Variants in LINGO2 observed in about 807,000 individuals in gnomAD.
The protein encoded by LINGO2 is leucine-rich repeat and immunoglobulin-like domain-containing nogo receptor-interacting protein 2.
A neutral mutation model predicts 30.6 loss-of-function variants in LINGO2; 14 were observed. The observed-to-expected ratio is 0.46, with a 90% CI of 0.30 to 0.72. The LOEUF is 0.72. Among genes scored for constraint, LINGO2 ranks in the 30% least tolerant of loss-of-function variants. The pLI, the probability that LINGO2 is intolerant of heterozygous loss-of-function variation, is 0.07. For synonymous variants in LINGO2, 317 were observed against 288.5 expected, an observed-to-expected ratio of 1.10 and a Z score of -1.00; for missense variants, 729 against 751.7, an observed-to-expected ratio of 0.97 and a Z score of 0.35.
intron 1 of LINGO2, among the ~76,000 whole-genome samples, chr9:28,526,025 C>T (rs1311188220): frequency 1.7e-5 from 2 of 118,658 alleles, no homozygotes; most frequent in Admixed American, 2.2e-4. Flanking sequence ...CACTGCACTC[C>T]AGCCTGGGTG....
chr9:28,567,762 G>A (rs1823458069), intron 1 of LINGO2, among the ~76,000 whole-genome samples: 1 of 151,160 alleles, frequency 6.6e-6, no homozygotes, highest in Non-Finnish European at 1.5e-5. Context: ...ATATACTTAT[G>A]GAACGAACCT....
At chr9:29,124,735 G>C in the LINGO2 span, among the ~76,000 whole-genome samples, 5 of 152,156 alleles carry the variant, frequency 3.3e-5, no homozygotes, top group African/African-American at 1.2e-4. Flanking sequence ...CAGTTAGAAT[G>C]GCGATCATTA....
At position 28,453,542 on chromosome 9, in the gene LINGO2, T is replaced by C. The variant is rs150275351; in HGVS notation, c.-279+22398A>G. On this transcript the variant is annotated intron_variant, in intron 2 of 5. Transcript: ENST00000379992. ...CTCAAAGACAAAGAAATTTCATGAT[T>C]GTCTCTTCTTTGTCCTTAGGGATAT... Among the ~76,000 whole-genome samples the C allele has an allele frequency of 1.2e-3, 178 of 152,104 alleles. 2 individuals carry two copies. Among genetic ancestry groups the C allele is most frequent in the African/African-American group, 4.1e-3 (171 of 41,552 alleles).
At chr9:28,225,487 CATA>C (rs1451347628) in intron 4 of LINGO2, among the ~76,000 whole-genome samples, 4 of 151,844 alleles carry the variant, frequency 2.6e-5, no homozygotes, top group Non-Finnish European at 4.4e-5. Context: ...TCTTCCTAAA[CATA>C]ATGTCAATAC....
At chr9:28,491,378 T>C (rs1030892038) in intron 1 of LINGO2, among the ~76,000 whole-genome samples, 1 of 152,150 alleles carries the variant, frequency 6.6e-6, no homozygotes, top group Non-Finnish European at 1.5e-5. Context: ...TGCCATTCCA[T>C]CAGGCCCACT....
the LINGO2 span, among the ~76,000 whole-genome samples, chr9:28,974,140 G>T: frequency 6.6e-5 from 10 of 152,174 alleles, no homozygotes; most frequent in Non-Finnish European, 8.8e-5. Context: ...TGGGTGTGGT[G>T]GCTCACACCT....
chr9:29,117,483 A>G, the LINGO2 span, among the ~76,000 whole-genome samples: 1 of 152,192 alleles, frequency 6.6e-6, no homozygotes, highest in Non-Finnish European at 1.5e-5. Context: ...GACTGATCCT[A>G]CAAGGATTTC....
intron 4 of LINGO2, among the ~76,000 whole-genome samples, chr9:28,045,906 A>C (rs1241868023): frequency 6.6e-6 from 1 of 152,156 alleles, no homozygotes; most frequent in African/African-American, 2.4e-5. Context: ...TGAGGATTTC[A>C]ATTCAGTTTG....
At chr9:28,013,785 A>G (rs1482108279) in intron 4 of LINGO2, among the ~76,000 whole-genome samples, 1 of 152,182 alleles carries the variant, frequency 6.6e-6, no homozygotes, top group East Asian at 1.9e-4. Context: ...GGAAATCAGT[A>G]AGTTCAAGGG....
chr9:29,046,804 C>T, the LINGO2 span, among the ~76,000 whole-genome samples: 8 of 151,964 alleles, frequency 5.3e-5, no homozygotes, highest in Non-Finnish European at 1.2e-4. Flanking sequence ...GAGGGCCGGG[C>T]ATGGTGGCTC....
At chr9:28,198,557 A>G (rs991848) in intron 4 of LINGO2, among the ~76,000 whole-genome samples, 2 of 152,092 alleles carry the variant, frequency 1.3e-5, no homozygotes, top group African/African-American at 2.4e-5. Flanking sequence ...ATTCCTTTTC[A>G]TTTTAAATAT....
chr9:28,766,896 T>C, the LINGO2 span, among the ~76,000 whole-genome samples: 1 of 147,928 alleles, frequency 6.8e-6, no homozygotes, highest in Non-Finnish European at 1.5e-5. Flanking sequence ...ACAACACAGA[T>C]GAACATGGAG....
At chr9:28,461,225 A>C (rs1825067222) in intron 2 of LINGO2, among the ~76,000 whole-genome samples, 1 of 152,178 alleles carries the variant, frequency 6.6e-6, no homozygotes, top group Non-Finnish European at 1.5e-5. Flanking sequence ...GGCTTTTTGA[A>C]ACATATTATA....
intron 2 of LINGO2, among the ~76,000 whole-genome samples, chr9:28,470,018 T>C (rs552821396): frequency 1.3e-5 from 2 of 152,132 alleles, no homozygotes; most frequent in African/African-American, 4.8e-5. Context: ...TAAGTATACA[T>C]AAAGGAATAC....
At chr9:27,990,862 T>TA (rs1437216614) in intron 5 of LINGO2, among the ~76,000 whole-genome samples, 5 of 152,032 alleles carry the variant, frequency 3.3e-5, no homozygotes, top group African/African-American at 9.7e-5. Flanking sequence ...GATCCCACAC[T>TA]AATTTGCTAC....
At chr9:28,036,752 A>G (rs1465210398) in intron 4 of LINGO2, among the ~76,000 whole-genome samples, 2 of 152,154 alleles carry the variant, frequency 1.3e-5, no homozygotes, top group Admixed American at 6.5e-5. Flanking sequence ...AAATGCAAAT[A>G]GATACACGTG....
chr9:27,952,023 T>C (rs1196547820), intron 5 of LINGO2, among the ~76,000 whole-genome samples: 1 of 152,012 alleles, frequency 6.6e-6, no homozygotes, highest in Non-Finnish European at 1.5e-5. Flanking sequence ...GCAAATCAAT[T>C]AGATAGGAAG....
chr9:28,884,697 G>A, the LINGO2 span, among the ~76,000 whole-genome samples: 12 of 138,034 alleles, frequency 8.7e-5, no homozygotes, highest in African/African-American at 2.9e-4. Context: ...GTATGTATGT[G>A]TATATATATA....
chr9:28,693,359 T>A, the LINGO2 span, among the ~76,000 whole-genome samples: 1 of 152,172 alleles, frequency 6.6e-6, no homozygotes, highest in Non-Finnish European at 1.5e-5. Context: ...GATACTTCAT[T>A]CATTCAGTGA....
Sources: allele counts gnomAD v4.1 joint callset (sites outside exome capture counted in the v4.1 genomes callset), GRCh38; gene constraint gnomAD v4.1.1; transcripts MANE v1.5; gene names NCBI Gene and HGNC (gene_info 2026-07-23, HGNC 2026-07-21).